EIF4G3: variants seen among roughly 807,000 people sequenced by gnomAD.
EIF4G3 encodes the protein eIF-4-gamma 3.
EIF4G3 carries 34 observed loss-of-function variants against 186.4 expected under a neutral mutation model. That is an observed-to-expected ratio of 0.18 (90% CI 0.14 to 0.24). EIF4G3 has a LOEUF of 0.24. Among genes scored for constraint, EIF4G3 ranks in the 10% least tolerant of loss-of-function variants. The probability of loss-of-function intolerance (pLI) is 1.00; values close to 1 mark genes in which losing one functional copy is unlikely to be tolerated. For missense variants in EIF4G3, 1,536 were observed against 1,948.5 expected, an observed-to-expected ratio of 0.79 and a Z score of 3.99; for synonymous variants, 673 against 679.5, an observed-to-expected ratio of 0.99 and a Z score of 0.15.
intron 29 of EIF4G3, among the ~76,000 whole-genome samples, chr1:20,847,528 G>A (rs1302712150): frequency 6.6e-6 from 1 of 152,038 alleles, no homozygotes; most frequent in African/African-American, 2.4e-5. Context: ...CATTGACTTT[G>A]TACATCCTTC....
At chr1:20,916,813 T>C (rs1323319767) in intron 14 of EIF4G3, among the ~76,000 whole-genome samples, 1 of 152,192 alleles carries the variant, frequency 6.6e-6, no homozygotes, top group East Asian at 1.9e-4. Context: ...TCTCATTATG[T>C]ATGCACAACG....
At chr1:21,124,028 C>T (rs1348425171) in intron 2 of EIF4G3, among the ~76,000 whole-genome samples, 3 of 152,022 alleles carry the variant, frequency 2.0e-5, no homozygotes, top group Non-Finnish European at 4.4e-5. Context: ...TGGTGGCTCA[C>T]GCCTGTAATC....
At chr1:21,054,686 A>C (rs2094482231) in intron 3 of EIF4G3, among the ~76,000 whole-genome samples, 1 of 152,140 alleles carries the variant, frequency 6.6e-6, no homozygotes, top group Admixed American at 6.5e-5. Flanking sequence ...TCAGGGAAAA[A>C]GGAAAATGGC....
intron 14 of EIF4G3, among the ~76,000 whole-genome samples, chr1:20,905,658 C>CAA (rs1279265524): frequency 1.6e-4 from 25 of 152,236 alleles, no homozygotes; most frequent in African/African-American, 6.0e-4. Flanking sequence ...TTAAAAAATT[C>CAA]ATCTGGCTTA....
chr1:21,172,544 CTATTTATT>C (rs551971870), intron 2 of EIF4G3, among the ~76,000 whole-genome samples: 9 of 151,924 alleles, frequency 5.9e-5, no homozygotes, highest in Non-Finnish European at 1.2e-4. Context: ...TGTGGCAATC[CTATTTATT>C]TATTTATTTA....
intron 14 of EIF4G3, among the ~76,000 whole-genome samples, chr1:20,915,464 GA>G (rs891641010): frequency 2.9e-5 from 4 of 138,316 alleles, no homozygotes; most frequent in Admixed American, 2.2e-4. Context: ...CTCCGCCCCC[GA>G]AAAAAAAAAC....
intron 4 of EIF4G3, among the ~76,000 whole-genome samples, chr1:21,027,601 A>C (rs2092304839): frequency 6.6e-6 from 1 of 151,940 alleles, no homozygotes; most frequent in African/African-American, 2.4e-5. Context: ...CTGCACTTCA[A>C]CTTGGGCAAC....
chr1:20,900,356 T>A (rs1331527642), intron 15 of EIF4G3, among the ~76,000 whole-genome samples: 1 of 152,164 alleles, frequency 6.6e-6, no homozygotes, highest in Admixed American at 6.5e-5. Flanking sequence ...CTTCTGGCTG[T>A]GAAATTGACA....
At chr1:21,082,460 C>G (rs2095819553) in intron 3 of EIF4G3, among the ~76,000 whole-genome samples, 1 of 152,158 alleles carries the variant, frequency 6.6e-6, no homozygotes, top group East Asian at 1.9e-4. Flanking sequence ...GTGGCACGTG[C>G]CTGTAATACC....
At chr1:21,174,422 T>C (rs1448036721) in intron 2 of EIF4G3, among the ~76,000 whole-genome samples, 1 of 152,224 alleles carries the variant, frequency 6.6e-6, no homozygotes, top group Non-Finnish European at 1.5e-5. Context: ...TGGTCCTTAC[T>C]ACTCTGTACA....
Position 20,844,227 on chromosome 1 carries a change from G to A in EIF4G3, c.3889-3199C>T, listed in dbSNP as rs149973341. Reference sequence around the variant, plus strand: ...TCTGTCTCTAGGTCTCTCAGGAATCGCCACACTTCCACAATGGTTGAACTA... The same window carrying A: ...TCTGTCTCTAGGTCTCTCAGGAATCACCACACTTCCACAATGGTTGAACTA... On this transcript the variant is annotated intron_variant, in intron 29 of 36. Coordinates refer to ENST00000602326, the MANE Select transcript of EIF4G3 (RefSeq NM_001391906.1). Among the ~76,000 whole-genome samples the A allele has an allele frequency of 1.6e-3, 250 of 152,226 alleles. 1 individual carries two copies. The highest frequency in any genetic ancestry group is 5.1e-3 in the African/African-American group (212 of 41,540).
chr1:20,809,755 TATTTAA>T (rs912124793), intron 36 of EIF4G3, among the ~76,000 whole-genome samples: 1 of 152,210 alleles, frequency 6.6e-6, no homozygotes, highest in African/African-American at 2.4e-5. Context: ...CAAACATGGT[TATTTAA>T]ATTTAAAGTC....
intron 36 of EIF4G3, among the ~76,000 whole-genome samples, chr1:20,808,335 G>A (rs2058526235): frequency 6.6e-6 from 1 of 151,974 alleles, no homozygotes; most frequent in African/African-American, 2.4e-5. Flanking sequence ...ACAAAATTTG[G>A]GGGAAGGGAG....
At chr1:20,909,312 T>C (rs1205438070) in intron 14 of EIF4G3, among the ~76,000 whole-genome samples, 1 of 152,232 alleles carries the variant, frequency 6.6e-6, no homozygotes, top group Non-Finnish European at 1.5e-5. Flanking sequence ...TCTTTTTCTT[T>C]GCAGAAATAT....
At chr1:21,021,382 C>T (rs2090636100) in intron 4 of EIF4G3, among the ~76,000 whole-genome samples, 1 of 152,106 alleles carries the variant, frequency 6.6e-6, no homozygotes, top group Admixed American at 6.5e-5. Flanking sequence ...AGCAAGAATA[C>T]TCAAATGTCA....
At chr1:21,088,862 C>T (rs1238271395) in intron 3 of EIF4G3, among the ~76,000 whole-genome samples, 2 of 151,820 alleles carry the variant, frequency 1.3e-5, no homozygotes, top group African/African-American at 4.8e-5. Context: ...GAAACTCTGT[C>T]TCAAAATAAT....
In EIF4G3 at chr1:20,927,528, G is replaced by A. The variant is rs114124411; in HGVS notation, c.1663+13963C>T. 5.2e-3 allele frequency among the ~76,000 whole-genome samples: 785 copies of A among 152,214 alleles called. 7 individuals carry two copies. The highest frequency in any genetic ancestry group is 0.018 in the African/African-American group (754 of 41,538). ...CTGAAAGCAGAGTTGTAATAGCTGA[G>A]GTGTAAGATAATGACAGTCTGTGAA... On this transcript the variant is annotated intron_variant, in intron 14 of 36. Coordinates refer to ENST00000602326, the MANE Select transcript of EIF4G3 (RefSeq NM_001391906.1).
intron 7 of EIF4G3, among the ~76,000 whole-genome samples, chr1:20,985,208 T>C (rs1439848276): frequency 6.6e-6 from 1 of 152,212 alleles, no homozygotes; most frequent in Non-Finnish European, 1.5e-5. Flanking sequence ...GACTGATTCC[T>C]GGTAAGAAAA....
chr1:21,008,152 C>A (rs974734836), intron 4 of EIF4G3, among the ~76,000 whole-genome samples: 1 of 152,090 alleles, frequency 6.6e-6, no homozygotes, highest in Admixed American at 6.6e-5. Flanking sequence ...AACAAACAAA[C>A]AAAATACAAA....
Sources: allele counts gnomAD v4.1 joint callset (sites outside exome capture counted in the v4.1 genomes callset), GRCh38; gene constraint gnomAD v4.1.1; transcripts MANE v1.5; gene names NCBI Gene and HGNC (gene_info 2026-07-23, HGNC 2026-07-21).